Variants in LARGE1 observed in about 807,000 individuals in gnomAD.
LARGE1 encodes xylosyl- and glucuronyltransferase LARGE1.
Under a neutral mutation model 87.6 loss-of-function variants are expected in LARGE1, and 43 were observed. That is an observed-to-expected ratio of 0.49 (90% CI 0.38 to 0.63). The LOEUF is 0.63. Ranked by LOEUF, LARGE1 falls within the 30% of genes least tolerant of loss-of-function variation. LARGE1 has a pLI of 0.00. For missense variants in LARGE1, 802 were observed against 1,000.2 expected (o/e 0.80, Z 2.67); for synonymous variants, 434 against 394.6 (o/e 1.10, Z -1.18).
intron 1 of LARGE1, among the ~76,000 whole-genome samples, chr22:33,888,854 C>A (rs1470179028): frequency 6.6e-6 from 1 of 152,172 alleles, no homozygotes; most frequent in Non-Finnish European, 1.5e-5. Context: ...AAGACTCTGT[C>A]TCAATAACAA....
chr22:33,158,771 C>T (rs777246729), downstream of LARGE1, among the ~76,000 whole-genome samples: 8 of 152,038 alleles, frequency 5.3e-5, no homozygotes, highest in South Asian at 1.5e-3. Context: ...ACAATTTTCC[C>T]GTAACACTGG....
intron 5 of LARGE1, among the ~76,000 whole-genome samples, chr22:33,596,895 C>T (rs1476760820): frequency 1.3e-5 from 2 of 152,192 alleles, no homozygotes; most frequent in African/African-American, 4.8e-5. Context: ...TTTTGATAGG[C>T]TATTTATTCA....
At chr22:33,613,082 A>C (rs989282053) in intron 4 of LARGE1, among the ~76,000 whole-genome samples, 1 of 152,190 alleles carries the variant, frequency 6.6e-6, no homozygotes, top group African/African-American at 2.4e-5. Flanking sequence ...ACAAATGCTT[A>C]ATCAGAAAAC....
At chr22:33,529,169 C>T (rs9619353) in intron 6 of LARGE1, among the ~76,000 whole-genome samples, 1,747 of 152,264 alleles carry the variant, frequency 0.011, 36 homozygotes, top group African/African-American at 0.041. Context: ...GACTTTAAAG[C>T]TTATCTTGCT....
the LARGE1 span, among the ~76,000 whole-genome samples, chr22:33,070,650 A>G: frequency 6.6e-6 from 1 of 152,192 alleles, no homozygotes; most frequent in African/African-American, 2.4e-5. Flanking sequence ...GTGAGAGCAT[A>G]GCACACTAAG....
intron 2 of LARGE1, among the ~76,000 whole-genome samples, chr22:33,668,784 T>C (rs1433516706): frequency 1.3e-5 from 2 of 152,232 alleles, no homozygotes; most frequent in African/African-American, 2.4e-5. Context: ...AATCCTTTCC[T>C]CTTTGTTATT....
At chr22:33,163,531 T>C (rs566151054) in exon 12 of LARGE1, 2 of 152,318 alleles carry the variant, frequency 1.3e-5, no homozygotes, top group East Asian at 1.9e-4. Flanking sequence ...CTTGTAGAAA[T>C]ACAAAAATAA....
the LARGE1 span, among the ~76,000 whole-genome samples, chr22:33,093,717 G>T: frequency 0.021 from 3,136 of 152,044 alleles, 177 homozygotes; most frequent in East Asian, 0.12. Context: ...ACAGGTAAGG[G>T]AATATCAGAG....
At chr22:33,213,387 G>A (rs944507969) in intron 11 of LARGE1, among the ~76,000 whole-genome samples, 1 of 152,178 alleles carries the variant, frequency 6.6e-6, no homozygotes, top group Admixed American at 6.5e-5. Flanking sequence ...CAGTGGCAGG[G>A]TTTCAGAGGA....
At chr22:33,454,517 G>C (rs528901476) in intron 6 of LARGE1, among the ~76,000 whole-genome samples, 190 of 151,550 alleles carry the variant, frequency 1.3e-3, no homozygotes, top group African/African-American at 4.4e-3. Context: ...TACTTGGGAA[G>C]CTAAGGCAGG....
chr22:33,813,339 T>C (rs2086556945), intron 1 of LARGE1, among the ~76,000 whole-genome samples: 1 of 151,924 alleles, frequency 6.6e-6, no homozygotes, highest in African/African-American at 2.4e-5. Context: ...CTGAGAAGCT[T>C]GTGGAAATAA....
At chr22:33,707,582 C>T (rs1021125858) in intron 2 of LARGE1, among the ~76,000 whole-genome samples, 3 of 152,250 alleles carry the variant, frequency 2.0e-5, no homozygotes, top group African/African-American at 7.2e-5. Context: ...ATCTTACTCC[C>T]TGGTCTCAGT....
intron 10 of LARGE1, among the ~76,000 whole-genome samples, chr22:33,328,851 C>G (rs1937469086): frequency 1.3e-5 from 2 of 152,192 alleles, no homozygotes; most frequent in South Asian, 4.2e-4. Context: ...GGCCCCAGCA[C>G]TTAGGAGTTG....
rs148552043 is a variant in LARGE1 at position 33,541,680 on chromosome 22, G to A, written c.787+23168C>T. ...CCCAGAGGGTCTTTTTGTGCTGACT[G>A]CCCTCATCCTGTCTGGAGTCATCGT... On this transcript the variant is annotated intron_variant, in intron 6 of 14. Transcript: ENST00000397394. Among the ~76,000 whole-genome samples the A allele has an allele frequency of 2.6e-3, 388 of 150,416 alleles. 1 individual carries two copies. The highest frequency in any genetic ancestry group is 9.2e-3 in the African/African-American group (375 of 40,846).
chr22:33,309,829 G>A (rs1392282862), intron 11 of LARGE1, among the ~76,000 whole-genome samples: 2 of 152,104 alleles, frequency 1.3e-5, no homozygotes, highest in Non-Finnish European at 2.9e-5. Flanking sequence ...GAGGGGCAGG[G>A]GTGAGATGAA....
chr22:33,501,561 A>G (rs967060267), intron 6 of LARGE1, among the ~76,000 whole-genome samples: 7 of 152,318 alleles, frequency 4.6e-5, no homozygotes, highest in African/African-American at 1.4e-4. Flanking sequence ...TCTGATCTCA[A>G]TGTGCTCTGG....
At chr22:33,398,028 T>C (rs1007061814) in intron 7 of LARGE1, among the ~76,000 whole-genome samples, 1 of 152,180 alleles carries the variant, frequency 6.6e-6, no homozygotes, top group African/African-American at 2.4e-5. Flanking sequence ...GTTCTTCATA[T>C]ATTTTTCTTC....
chr22:33,712,550 G>A (rs1229501875), intron 2 of LARGE1, among the ~76,000 whole-genome samples: 3 of 152,044 alleles, frequency 2.0e-5, no homozygotes, highest in African/African-American at 7.2e-5. Context: ...CCTTGACTCT[G>A]AGTGGTCAAG....
intron 9 of LARGE1, among the ~76,000 whole-genome samples, chr22:33,338,737 G>T (rs1287418925): frequency 6.6e-6 from 1 of 152,190 alleles, no homozygotes; most frequent in Non-Finnish European, 1.5e-5. Flanking sequence ...AGTATAGAGG[G>T]CTGGGAAGCA....
Sources: allele counts gnomAD v4.1 joint callset (sites outside exome capture counted in the v4.1 genomes callset), GRCh38; gene constraint gnomAD v4.1.1; transcripts MANE v1.5; gene names NCBI Gene and HGNC (gene_info 2026-07-23, HGNC 2026-07-21).